RBFOX1: variants seen among roughly 807,000 people sequenced by gnomAD.
The protein encoded by RBFOX1 is RNA binding protein fox-1 homolog 1.
RBFOX1 carries 8 observed loss-of-function variants against 57.7 expected under a neutral mutation model. That is an observed-to-expected ratio of 0.14 (90% CI 0.08 to 0.25). The LOEUF (loss-of-function observed/expected upper bound fraction) is 0.25, where lower values mean the gene tolerates loss of function less well. Among genes scored for constraint, RBFOX1 ranks in the 10% least tolerant of loss-of-function variants. The pLI is 1.00. For missense variants in RBFOX1, 611 were observed against 548.5 expected, an observed-to-expected ratio of 1.11 and a Z score of -1.14; for synonymous variants, 326 against 222.4, an observed-to-expected ratio of 1.47 and a Z score of -4.15.
At position 5,646,585 on chromosome 16, in the gene RBFOX1, A is replaced by C. The variant is rs75895618; in HGVS notation, c.318+47624A>C. Among the ~76,000 whole-genome samples, 919 of 152,226 alleles carry C rather than the reference A, an allele frequency of 6.0e-3. 10 individuals are homozygous for C. The highest frequency in any genetic ancestry group is 0.02 in the African/African-American group (826 of 41,528). On this transcript the variant is annotated intron_variant, in intron 3 of 19. Transcript: ENST00000641259. ...ATGTCAGAGGGTCGCAGTGTGCAGCATGTGTCAGGGAGGGCATGGCAGGGG... is the reference window on the plus strand; with the variant it reads ...ATGTCAGAGGGTCGCAGTGTGCAGCCTGTGTCAGGGAGGGCATGGCAGGGG...
chr16:6,659,088 C>T (rs183734519), intron 3 of RBFOX1, among the ~76,000 whole-genome samples: 9 of 152,068 alleles, frequency 5.9e-5, no homozygotes, highest in African/African-American at 1.7e-4. Context: ...TGTGTTTCTG[C>T]TGGGGCACTG....
chr16:6,232,484 T>A (rs2152906791), intron 1 of RBFOX1, among the ~76,000 whole-genome samples: 1 of 152,320 alleles, frequency 6.6e-6, no homozygotes, highest in African/African-American at 2.4e-5. Context: ...TACAACTGGA[T>A]TTCATCTTCA....
Position 5,452,100 on chromosome 16 carries a change from ATCTC to A in RBFOX1, c.220-15102_220-15099del, listed in dbSNP as rs908178723. 9.0e-3 allele frequency among the ~76,000 whole-genome samples: 1,268 copies of A among 140,508 alleles called. 29 individuals carry two copies. Among genetic ancestry groups the A allele is most frequent in the African/African-American group, 0.033 (1,191 of 36,138 alleles). The allele number at this position is 140,508 out of a possible 152,430, so 92.2% of individuals were successfully genotyped here. A position where few individuals can be genotyped will look rare whatever the true frequency, so the allele number is the denominator to read the frequency against. On this transcript the variant is annotated intron_variant, in intron 1 of 2. Coordinates refer to the RBFOX1 transcript ENST00000585867. ...AAGTCTTAATTCCTGATTCTGATTT[ATCTC>A]TCTCTCTCTCTCTTTTTTTTTTTTT...
intron 4 of RBFOX1, among the ~76,000 whole-genome samples, chr16:7,095,868 C>A (rs7193729): frequency 0.03 from 4,564 of 151,912 alleles, 85 homozygotes; most frequent in Middle Eastern, 0.037. Flanking sequence ...AAAAAATTAG[C>A]CAGGCGTGGT....
At position 6,703,366 on chromosome 16, in the gene RBFOX1, G is replaced by C. The variant is rs546778989; in HGVS notation, c.-16+48716G>C. Among the ~76,000 whole-genome samples, 18 of 152,100 alleles carry C rather than the reference G, an allele frequency of 1.2e-4. No individual in the cohort carries two copies. In the South Asian group the frequency reaches 2.1e-3, roughly 18 times the overall value. ...AGGCAGGAGGTTTGCTTGAGCCCAG[G>C]GGTTTGAGGCCAGCCTAGGCAACAT... On this transcript the variant is annotated intron_variant, in intron 3 of 15. Coordinates refer to ENST00000550418, the MANE Select transcript of RBFOX1 (RefSeq NM_018723.4).
chr16:6,931,091 T>C (rs901356128), intron 3 of RBFOX1, among the ~76,000 whole-genome samples: 2 of 152,172 alleles, frequency 1.3e-5, no homozygotes, highest in South Asian at 2.1e-4. Context: ...ATAGCAGATA[T>C]TGAATAAATA....
At chr16:6,520,372 C>T (rs189286811) in intron 2 of RBFOX1, among the ~76,000 whole-genome samples, 25 of 152,180 alleles carry the variant, frequency 1.6e-4, no homozygotes, top group Admixed American at 1.2e-3. Flanking sequence ...TTAGAGGGTC[C>T]TAATGAGGTT....
intron 1 of RBFOX1, chr16:5,366,390 A>G: frequency 2.3e-6 from 1 of 426,458 alleles, no homozygotes; most frequent in South Asian, 1.9e-5. Context: ...GTGAAGAAAT[A>G]TATATGAGAT....
chr16:6,315,835 T>C lies in RBFOX1; in HGVS notation c.-126-1160T>C, dbSNP rs146895396. ...CTTGATGTTTTTAGGTGTTGTAATT[T>C]ATCAACAAGAGGGGACTCACCAGAT... On this transcript the variant is annotated intron_variant, in intron 1 of 15. Transcript: ENST00000550418. 8.5e-5 allele frequency among the ~76,000 whole-genome samples: 13 copies of C among 152,244 alleles called. No individual in the cohort carries two copies. The East Asian group carries it at 1.5e-3, about 18-fold the overall frequency.
intron 3 of RBFOX1, among the ~76,000 whole-genome samples, chr16:6,901,192 T>C (rs13329855): frequency 0.3 from 46,074 of 151,906 alleles, 7,971 homozygotes; most frequent in African/African-American, 0.48. Flanking sequence ...ATTCAATAAA[T>C]ATATACAGAA....
chr16:6,091,636 C>A (rs1420100917), intron 1 of RBFOX1, among the ~76,000 whole-genome samples: 1 of 152,166 alleles, frequency 6.6e-6, no homozygotes, highest in African/African-American at 2.4e-5. Flanking sequence ...TCGAGACCAG[C>A]CTGGCCAACA....
intron 3 of RBFOX1, among the ~76,000 whole-genome samples, chr16:6,958,928 C>A (rs1311326658): frequency 1.3e-5 from 2 of 151,994 alleles, no homozygotes; most frequent in Non-Finnish European, 2.9e-5. Context: ...ATTCTCCATC[C>A]TGACATAGGC....
chr16:6,033,948 G>A (rs1030667046), intron 1 of RBFOX1, among the ~76,000 whole-genome samples: 35 of 152,296 alleles, frequency 2.3e-4, no homozygotes, highest in African/African-American at 8.2e-4. Flanking sequence ...CTTGGCTACC[G>A]TGATGACTGT....
intron 4 of RBFOX1, among the ~76,000 whole-genome samples, chr16:7,403,567 C>G (rs866366384): frequency 1.4e-5 from 2 of 145,554 alleles, no homozygotes; most frequent in Non-Finnish European, 3.0e-5. Context: ...GAGAATCCCC[C>G]CCCCCCCACT....
At chr16:7,455,386 C>G (rs1488122026) in intron 4 of RBFOX1, among the ~76,000 whole-genome samples, 1 of 152,176 alleles carries the variant, frequency 6.6e-6, no homozygotes. Flanking sequence ...TGATAGGTTT[C>G]TATCCAGCCT....
chr16:6,880,561 C>T lies in RBFOX1; in HGVS notation c.-15-171496C>T, dbSNP rs140671270. Among the ~76,000 whole-genome samples, 298 of 152,138 alleles carry T rather than the reference C, an allele frequency of 2.0e-3. 1 individual carries two copies. Among genetic ancestry groups the T allele is most frequent in the Non-Finnish European group, 2.2e-3 (152 of 68,010 alleles). On this transcript the variant is annotated intron_variant, in intron 3 of 15. Transcript: ENST00000550418. ...TTAGACAGCTTCAGACACGTGAACT[C>T]GGAGAAGGCCAGAATCTGTTTTTCT...
At chr16:7,634,505 G>A (rs1446014575) in intron 11 of RBFOX1, among the ~76,000 whole-genome samples, 1 of 151,904 alleles carries the variant, frequency 6.6e-6, no homozygotes, top group East Asian at 1.9e-4. Context: ...TGCTGAATTA[G>A]TCTGTAATGA....
chr16:6,582,709 T>C (rs1334444473), intron 2 of RBFOX1, among the ~76,000 whole-genome samples: 1 of 151,870 alleles, frequency 6.6e-6, no homozygotes, highest in African/African-American at 2.4e-5. Flanking sequence ...TCTTCATTTC[T>C]CATCTTCTTC....
intron 2 of RBFOX1, among the ~76,000 whole-genome samples, chr16:6,584,344 A>G (rs1485646773): frequency 4.8e-5 from 2 of 41,628 alleles, no homozygotes; most frequent in Non-Finnish European, 9.5e-5. Flanking sequence ...TATTTTCATT[A>G]TTATTATTAT....
Sources: allele counts gnomAD v4.1 joint callset (sites outside exome capture counted in the v4.1 genomes callset), GRCh38; gene constraint gnomAD v4.1.1; transcripts MANE v1.5; gene names NCBI Gene and HGNC (gene_info 2026-07-23, HGNC 2026-07-21).